Variants in FAM13B observed in about 807,000 individuals in gnomAD.
FAM13B encodes the protein family with sequence similarity 13 member B.
FAM13B carries 60 observed loss-of-function variants against 117.3 expected under a neutral mutation model. That is an observed-to-expected ratio of 0.51 (90% CI 0.42 to 0.63). FAM13B has a LOEUF of 0.63. FAM13B is among the 30% of genes least tolerant of loss of function. The pLI is 0.00. For synonymous variants in FAM13B, 332 were observed against 356.1 expected (o/e 0.93, Z 0.76); for missense variants, 972 against 1,091.9 (o/e 0.89, Z 1.55).
chr5:138,011,119 C>A lies in FAM13B; in HGVS notation c.579G>T (p.Glu193Asp). 1 of 1,607,500 alleles carries A rather than the reference C, an allele frequency of 6.2e-7. No individual in the cohort carries two copies. Among genetic ancestry groups the A allele is most frequent in the African/African-American group, 1.3e-5 (1 of 74,652 alleles). ...CCATTATCCTGCTCACTATTTCTTG[C>A]TCTTTCATGTCTTCCACATCTGTGT... ...HIYTDVEDMKEQEIVSRIMAG... is the reference protein window; with the variant it reads ...HIYTDVEDMKDQEIVSRIMAG... Residue 193 changes from glutamate to aspartate, a missense_variant, in exon 6 of 24, where the codon GAG (glutamate) becomes GAT (aspartate). By Grantham distance (45) the Glu-to-Asp change is conservative (BLOSUM62 2). Transcript: ENST00000689681.
At position 138,012,089 on chromosome 5, in the gene FAM13B, C is replaced by T. The variant is rs182930968; in HGVS notation, c.371-144G>A. On this transcript the variant is annotated intron_variant, in intron 4 of 23. Coordinates refer to ENST00000689681, the MANE Select transcript of FAM13B (RefSeq NM_001385994.1). ...TCACTTCCTCTACTGGGGCCAAATGCCTTAGGGCTTTGTATTTCACTTATG... is the reference window on the plus strand; with the variant it reads ...TCACTTCCTCTACTGGGGCCAAATGTCTTAGGGCTTTGTATTTCACTTATG... The T allele has an allele frequency of 3.1e-4, 171 of 547,024 alleles. No homozygotes were observed. The East Asian group carries it at 5.2e-3, about 17-fold the overall frequency. The allele number at this position is 547,024 out of a possible 1,614,324, so 33.9% of individuals were successfully genotyped here.
chr5:137,999,239 G>C (rs2150745680), intron 7 of FAM13B, among the ~76,000 whole-genome samples: 1 of 151,424 alleles, frequency 6.6e-6, no homozygotes, highest in East Asian at 2.0e-4. Context: ...TCAGCCTCTT[G>C]AGTCACTGGG....
At chr5:137,942,661 C>T (rs1762207920) in intron 22 of FAM13B, 1 of 513,184 alleles carries the variant, frequency 1.9e-6, no homozygotes, top group Non-Finnish European at 3.3e-6. Context: ...CTGTGCCTGG[C>T]TAGATTTTTT....
chr5:137,986,751 G>C (rs2150585694), intron 9 of FAM13B, among the ~76,000 whole-genome samples: 1 of 152,256 alleles, frequency 6.6e-6, no homozygotes, highest in African/African-American at 2.4e-5. Flanking sequence ...TATTTTAAAA[G>C]CCATTCATTT....
chr5:137,984,608 T>C (rs937310377), intron 10 of FAM13B, among the ~76,000 whole-genome samples: 4 of 133,222 alleles, frequency 3.0e-5, no homozygotes, highest in Non-Finnish European at 6.5e-5. Context: ...TCCTAAGAAG[T>C]GTATGAGAAT....
At chr5:138,014,698 T>C (rs1784854646) in intron 4 of FAM13B, among the ~76,000 whole-genome samples, 1 of 152,212 alleles carries the variant, frequency 6.6e-6, no homozygotes, top group Admixed American at 6.5e-5. Flanking sequence ...CCATTTGACT[T>C]GAGGTGGTAA....
At chr5:138,010,419 G>A (rs1011827290) in intron 6 of FAM13B, among the ~76,000 whole-genome samples, 6 of 152,206 alleles carry the variant, frequency 3.9e-5, no homozygotes, top group Admixed American at 6.5e-5. Flanking sequence ...CAACCTGGGC[G>A]ACATAAGAAG....
chr5:137,942,068 C>T (rs749776733), intron 22 of FAM13B, 23 bp from the exon 23 acceptor site: 6 of 1,551,142 alleles, frequency 3.9e-6, no homozygotes, highest in South Asian at 2.2e-5. Flanking sequence ...TGGTAAAATA[C>T]TGAAGGGCAC....
intron 10 of FAM13B, 49 bp downstream of exon 10, chr5:137,985,208 T>A (rs757191353): frequency 1.9e-6 from 3 of 1,583,842 alleles, no homozygotes; most frequent in Non-Finnish European, 2.6e-6. Flanking sequence ...AAGAAACACA[T>A]GAAGCAATCA....
chr5:137,955,839 C>T (rs1766369131), intron 14 of FAM13B, among the ~76,000 whole-genome samples: 1 of 152,094 alleles, frequency 6.6e-6, no homozygotes, highest in Non-Finnish European at 1.5e-5. Flanking sequence ...ACCATGTTGG[C>T]CAGGCTGGTT....
intron 13 of FAM13B, among the ~76,000 whole-genome samples, chr5:137,958,466 C>A (rs959787675): frequency 2.6e-5 from 4 of 151,966 alleles, no homozygotes; most frequent in Non-Finnish European, 4.4e-5. Context: ...AAAACAAGAC[C>A]CACACACACT....
chr5:137,944,366 C>A (rs1015041929), intron 20 of FAM13B, among the ~76,000 whole-genome samples: 1 of 152,200 alleles, frequency 6.6e-6, no homozygotes, highest in African/African-American at 2.4e-5. Flanking sequence ...TGGTTATCCA[C>A]AGCACTATTC....
At chr5:137,957,128 T>C (rs997628998) in intron 13 of FAM13B, among the ~76,000 whole-genome samples, 3 of 152,224 alleles carry the variant, frequency 2.0e-5, no homozygotes, top group Non-Finnish European at 4.4e-5. Context: ...TAGGGCTCTA[T>C]TTGGAGTCAT....
chr5:137,979,999 TA>T (rs10709915), intron 10 of FAM13B, among the ~76,000 whole-genome samples: 86,152 of 95,564 alleles, frequency 0.9, 39,100 homozygotes, highest in Non-Finnish European at 0.97. Flanking sequence ...CTGTCTCTAC[TA>T]AAAAAAAAAA....
intron 1 of FAM13B, among the ~76,000 whole-genome samples, chr5:138,032,494 G>T (rs2151094925): frequency 6.6e-6 from 1 of 152,332 alleles, no homozygotes; most frequent in South Asian, 2.1e-4. Context: ...ACTCTGGAGG[G>T]GCTGGAGGTG....
Position 137,985,348 on chromosome 5 carries a change from T to C in FAM13B, c.1088A>G (p.Asn363Ser), listed in dbSNP as rs545936045. 7 of 1,613,880 alleles carry C rather than the reference T, an allele frequency of 4.3e-6. No homozygotes were observed. In the South Asian group the frequency reaches 6.6e-5, roughly 15 times the overall value. ...AGCCACAGGTTTTGAACAGTCTCTGTTACTTTCACTGGCATTAATAATATC... is the reference window on the plus strand; with the variant it reads ...AGCCACAGGTTTTGAACAGTCTCTGCTACTTTCACTGGCATTAATAATATC... ...ADDIINASES[N>S]RDCSKPVAST... Residue 363 changes from asparagine (N) to serine (S), a missense_variant, in exon 10 of 24, where the codon AAC becomes AGC. Coordinates refer to ENST00000689681, the MANE Select transcript of FAM13B (RefSeq NM_001385994.1).
chr5:137,979,114 G>A (rs6895246), intron 10 of FAM13B, among the ~76,000 whole-genome samples: 111,896 of 151,502 alleles, frequency 0.74, 41,963 homozygotes, highest in East Asian at 0.97. Flanking sequence ...CTGGGTTCAA[G>A]AGATTCTCCA....
intron 1 of FAM13B, among the ~76,000 whole-genome samples, chr5:138,046,670 T>C (rs1405322151): frequency 1.3e-5 from 2 of 152,230 alleles, no homozygotes; most frequent in African/African-American, 2.4e-5. Context: ...GTCCAGAAAA[T>C]ACATTTAATT....
chr5:138,032,256 T>C (rs1177502375), intron 1 of FAM13B, among the ~76,000 whole-genome samples: 1 of 152,194 alleles, frequency 6.6e-6, no homozygotes, highest in East Asian at 1.9e-4. Flanking sequence ...AAGGCCCCAG[T>C]GCACCAACAG....
Sources: allele counts gnomAD v4.1 joint callset (sites outside exome capture counted in the v4.1 genomes callset), GRCh38; gene constraint gnomAD v4.1.1; transcripts MANE v1.5; gene names NCBI Gene and HGNC (gene_info 2026-07-23, HGNC 2026-07-21).